ECD: variants seen among roughly 807,000 people sequenced by gnomAD.
ECD encodes ecdysoneless cell cycle regulator.
Under a neutral mutation model 77.2 loss-of-function variants are expected in ECD, and 59 were observed. That is an observed-to-expected ratio of 0.76 (90% CI 0.62 to 0.95). ECD has a LOEUF of 0.95. ECD is among the 40% of genes least tolerant of loss of function. The probability of loss-of-function intolerance (pLI) is 0.00; values close to 1 mark genes in which losing one functional copy is unlikely to be tolerated. For synonymous variants in ECD, 233 were observed against 267.4 expected, an observed-to-expected ratio of 0.87 and a Z score of 1.26; for missense variants, 704 against 763.4, an observed-to-expected ratio of 0.92 and a Z score of 0.92.
At chr10:73,148,183 T>A in intron 8 of ECD, 93 bp downstream of exon 8, 3 of 1,459,130 alleles carry the variant, frequency 2.1e-6, no homozygotes, top group Non-Finnish European at 2.8e-6. Context: ...CATAATTATG[T>A]CATACATTTA....
At chr10:73,137,586 T>C (rs1384565190) in intron 12 of ECD, among the ~76,000 whole-genome samples, 2 of 151,950 alleles carry the variant, frequency 1.3e-5, no homozygotes, top group African/African-American at 4.8e-5. Flanking sequence ...CCATCCTGGC[T>C]AACACGGTGA....
At chr10:73,134,886 TA>T in intron 13 of ECD, 73 bp from the exon 14 acceptor site, 1 of 1,255,950 alleles carries the variant, frequency 8.0e-7, no homozygotes, top group Non-Finnish European at 1.1e-6. Context: ...AATAAAAAGA[TA>T]ACTAAGCCAC....
At chr10:73,140,145 C>T (rs1273683895) in intron 9 of ECD, among the ~76,000 whole-genome samples, 1 of 151,850 alleles carries the variant, frequency 6.6e-6, no homozygotes, top group Non-Finnish European at 1.5e-5. Context: ...CCACCACACC[C>T]AGCTAATTTT....
rs1383573090 is a variant in ECD, at chr10:73,156,557, G to A, written c.411+11C>T. On this transcript the variant is annotated intron_variant, in intron 4 of 13. Transcript: ENST00000372979. Reference sequence around the variant, plus strand: ...CATCTCTATAAATTTTCTAAACTTGGGTATACTTACCCTATTGGTGCTATT... The same window carrying A: ...CATCTCTATAAATTTTCTAAACTTGAGTATACTTACCCTATTGGTGCTATT... The A allele has an allele frequency of 2.5e-6, 4 of 1,613,672 alleles. No homozygotes were observed. In the Admixed American group the frequency reaches 6.7e-5, roughly 27 times the overall value.
At chr10:73,161,699 T>C (rs1041462013) in intron 2 of ECD, among the ~76,000 whole-genome samples, 1 of 152,184 alleles carries the variant, frequency 6.6e-6, no homozygotes, top group Non-Finnish European at 1.5e-5. Flanking sequence ...AGGCCAGCAT[T>C]ACCCTAATAC....
chr10:73,147,731 C>T (rs1300756346), intron 8 of ECD, among the ~76,000 whole-genome samples: 3 of 152,022 alleles, frequency 2.0e-5, no homozygotes, highest in Admixed American at 1.3e-4. Context: ...GAAGACACTA[C>T]CAAATTACTT....
intron 1 of ECD, among the ~76,000 whole-genome samples, chr10:73,165,326 CTTTCTTTTCTTTT>C (rs1463743124): frequency 4.0e-5 from 6 of 151,730 alleles, no homozygotes; most frequent in South Asian, 2.1e-4. Flanking sequence ...GTAGGTATAT[CTTTCTTTTCTTTT>C]TTTCTTTTCT....
chr10:73,147,122 C>CTG (rs1554849955), intron 8 of ECD, among the ~76,000 whole-genome samples: 2 of 151,868 alleles, frequency 1.3e-5, no homozygotes, highest in African/African-American at 4.8e-5. Context: ...TGGCACATGC[C>CTG]TAGTCTCAGC....
Position 73,138,084 on chromosome 10 carries a change from GGACAAA to G in ECD, c.1422-20_1422-15del, listed in dbSNP as rs1564659386. 1.9e-6 allele frequency: 3 copies of G among 1,554,842 alleles called. No individual in the cohort carries two copies. The highest frequency in any genetic ancestry group is 8.7e-7 in the Non-Finnish European group (1 of 1,154,068). ...TCAGAAGGTTCTCTGCAATATTAAA[GGACAAA>G]GACAATTAATTTATTCTAAATACAA... On this transcript the variant is annotated splice_polypyrimidine_tract_variant and intron_variant, in intron 11 of 13. Transcript: ENST00000372979.
chr10:73,166,491 T>C (rs1421755999), intron 1 of ECD, among the ~76,000 whole-genome samples: 1 of 152,256 alleles, frequency 6.6e-6, no homozygotes, highest in African/African-American at 2.4e-5. Flanking sequence ...GCCTGTCTTA[T>C]GGATAACAGC....
intron 8 of ECD, among the ~76,000 whole-genome samples, chr10:73,147,877 CATATAT>C (rs149598380): frequency 6.8e-6 from 1 of 147,942 alleles, no homozygotes; most frequent in Non-Finnish European, 1.5e-5. Flanking sequence ...TTACTGTGTT[CATATAT>C]ATATATATAT....
rs145619876 is a variant in ECD at position 73,160,104 on chromosome 10, T to G, written c.323+330A>C. 6.2e-3 allele frequency among the ~76,000 whole-genome samples: 938 copies of G among 151,450 alleles called. 12 individuals are homozygous for G. The highest frequency in any genetic ancestry group is 0.021 in the African/African-American group (889 of 41,350). On this transcript the variant is annotated intron_variant, in intron 3 of 13. Coordinates refer to ENST00000372979, the MANE Select transcript of ECD (RefSeq NM_007265.3). ...GCTCCAGAGACTAGCCTAGCCAACA[T>G]GGTGAACCCTTGTCTCTACTAAAAA...
intron 9 of ECD, 117 bp from the exon 10 acceptor site, chr10:73,139,854 T>A: frequency 1.5e-6 from 1 of 654,530 alleles, no homozygotes; most frequent in East Asian, 3.1e-5. Context: ...GGAGTGTTTT[T>A]TTTTTTTTTT....
intron 2 of ECD, among the ~76,000 whole-genome samples, chr10:73,162,416 A>G (rs1843392250): frequency 6.6e-6 from 1 of 152,222 alleles, no homozygotes; most frequent in Admixed American, 6.5e-5. Flanking sequence ...GCCATTAAAC[A>G]AGATAAGAAA....
intron 9 of ECD, among the ~76,000 whole-genome samples, chr10:73,141,850 A>T (rs1376761511): frequency 6.6e-6 from 1 of 152,230 alleles, no homozygotes; most frequent in Non-Finnish European, 1.5e-5. Flanking sequence ...ATACAACTTG[A>T]TTTGATCCAT....
rs1843206728 is a variant in ECD at position 73,151,536 on chromosome 10, AAAAAG to A, written c.912+752_912+756del. ...AAACTTAAAGCATAATAATAAAAAA[AAAAAG>A]AAAATCTAGACATTCCTATCAATGT... On this transcript the variant is annotated intron_variant, in intron 7 of 13. Transcript: ENST00000372979. 2.6e-5 allele frequency among the ~76,000 whole-genome samples: 4 copies of A among 152,210 alleles called. No homozygotes were observed. The South Asian group carries it at 8.3e-4, about 31-fold the overall frequency.
chr10:73,136,927 A>G lies in ECD; in HGVS notation c.1490-9T>C, dbSNP rs1381824790. 6.9e-6 allele frequency: 10 copies of G among 1,449,336 alleles called. No homozygotes were observed. The South Asian group carries it at 1.0e-4, about 15-fold the overall frequency. The allele number at this position is 1,449,336 out of a possible 1,614,324, so 89.8% of individuals were successfully genotyped here. A position where few individuals can be genotyped will look rare whatever the true frequency, so the allele number is the denominator to read the frequency against. ...CTCATTAGGCCTTGGCCCTACACAG[A>G]TCCCAAGAAAGAAAGAGCCACTTAG... On this transcript the variant is annotated splice_polypyrimidine_tract_variant and intron_variant, in intron 12 of 13. Transcript: ENST00000372979.
intron 9 of ECD, among the ~76,000 whole-genome samples, chr10:73,142,570 G>C (rs183334209): frequency 1.7e-4 from 25 of 150,582 alleles, no homozygotes; most frequent in African/African-American, 5.4e-4. Context: ...GGAGGTGGAG[G>C]CTGCGGTGAG....
intron 9 of ECD, among the ~76,000 whole-genome samples, chr10:73,141,787 C>T (rs998001133): frequency 2.6e-5 from 4 of 152,166 alleles, no homozygotes; most frequent in Admixed American, 6.6e-5. Context: ...TCCCCATCAC[C>T]TACGTGATTT....
Sources: allele counts gnomAD v4.1 joint callset (sites outside exome capture counted in the v4.1 genomes callset), GRCh38; gene constraint gnomAD v4.1.1; transcripts MANE v1.5; gene names NCBI Gene and HGNC (gene_info 2026-07-23, HGNC 2026-07-21).